REG4: variants seen among roughly 807,000 people sequenced by gnomAD.
REG4 encodes regenerating islet-derived protein 4.
A neutral mutation model predicts 22.3 loss-of-function variants in REG4; 16 were observed. That is an observed-to-expected ratio of 0.72 (90% confidence interval 0.49 to 1.09). The LOEUF is 1.09. Among genes scored for constraint, REG4 ranks in the 50% least tolerant of loss-of-function variants. The pLI is 0.00. For missense variants in REG4, 214 were observed against 193.9 expected, an observed-to-expected ratio of 1.10 and a Z score of -0.61; for synonymous variants, 71 against 69.2, an observed-to-expected ratio of 1.03 and a Z score of -0.13.
chr1:119,799,859 C>T lies in REG4; in HGVS notation c.169G>A (p.Glu57Lys), dbSNP rs149733140. 1.4e-5 allele frequency: 22 copies of T among 1,613,844 alleles called. No homozygotes were observed. The highest frequency in any genetic ancestry group is 6.7e-5 in the African/African-American group (5 of 74,896). The change falls in exon 4 of 6, where the codon GAG becomes AAG. Residue 57 changes from glutamate to lysine, a missense_variant. Glu to Lys is a moderately conservative substitution (Grantham distance 56). Transcript: ENST00000256585. ...KLRNWSDAEL[E>K]CQSYGNGAHL... is the part of the protein sequence containing the mutation. ...GCTCCGTTTCCGTAAGACTGACACTCGAGCTATGTACAAGGAGAGGTCCTG... is the reference window on the plus strand; with the variant it reads ...GCTCCGTTTCCGTAAGACTGACACTTGAGCTATGTACAAGGAGAGGTCCTG...
chr1:119,798,713 A>C (rs1474580827), intron 4 of REG4, 111 bp from the exon 5 acceptor site: 1 of 717,168 alleles, frequency 1.4e-6, no homozygotes, highest in Non-Finnish European at 2.4e-6. Flanking sequence ...ACATTGGGAA[A>C]GTACAGAAAT....
Position 119,808,849 on chromosome 1 carries a change from C to G in REG4, c.-80G>C. On this transcript the variant is annotated 5_prime_UTR_variant, in exon 2 of 6. Coordinates refer to ENST00000256585, the MANE Select transcript of REG4 (RefSeq NM_032044.4). Reference sequence around the variant, plus strand: ...CGCTTCTTTGAAACTCCTGGGTTCTCCTTGATCTGCAAATCTGAACACATT... The same window carrying G: ...CGCTTCTTTGAAACTCCTGGGTTCTGCTTGATCTGCAAATCTGAACACATT... The G allele has an allele frequency of 1.0e-6, 1 of 989,768 alleles. No homozygotes were observed. Among genetic ancestry groups the G allele is most frequent in the Non-Finnish European group, 1.6e-6 (1 of 637,892 alleles). The allele number at this position is 989,768 out of a possible 1,614,324, so 61.3% of individuals were successfully genotyped here.
At chr1:119,800,023 A>G (rs1470353081) in intron 3 of REG4, among the ~76,000 whole-genome samples, 161 bp from the exon 4 acceptor site, 1 of 152,192 alleles carries the variant, frequency 6.6e-6, no homozygotes, top group Non-Finnish European at 1.5e-5. Context: ...ACCCTGGGAA[A>G]AAACACAACT....
chr1:119,794,084 C>T lies in REG4; in HGVS notation c.*534G>A. The T allele has an allele frequency of 1.9e-6, 1 of 530,696 alleles. No individual in the cohort carries two copies. The highest frequency in any genetic ancestry group is 1.4e-5 in the South Asian group (1 of 71,116). The allele number at this position is 530,696 out of a possible 1,614,324, so 32.9% of individuals were successfully genotyped here. On this transcript the variant is annotated 3_prime_UTR_variant, in exon 6 of 6. Transcript: ENST00000256585. ...CATTACTGAACTGGAACACAGCAAC[C>T]TCTTATGTACACAATGGTTTATTAA...
At chr1:119,795,482 G>A (rs1653909710) in intron 5 of REG4, among the ~76,000 whole-genome samples, 1 of 152,246 alleles carries the variant, frequency 6.6e-6, no homozygotes, top group African/African-American at 2.4e-5. Context: ...GTGGCCTTTT[G>A]AAGGACTGAA....
intron 1 of REG4, among the ~76,000 whole-genome samples, chr1:119,810,826 G>C (rs587618174): frequency 2.0e-5 from 3 of 152,194 alleles, no homozygotes; most frequent in Non-Finnish European, 4.4e-5. Flanking sequence ...GCTGAGGCAG[G>C]TGGATCACCT....
intron 2 of REG4, among the ~76,000 whole-genome samples, chr1:119,804,143 C>A (rs373029527): frequency 7.2e-5 from 11 of 152,284 alleles, no homozygotes; most frequent in East Asian, 3.9e-4. Flanking sequence ...TATGTGGCTA[C>A]CTTCTGACAC....
intron 4 of REG4, 31 bp from the exon 5 acceptor site, chr1:119,798,633 G>A (rs71672737): frequency 0.082 from 129,769 of 1,579,912 alleles, 6,160 homozygotes; most frequent in Non-Finnish European, 0.094. Context: ...GAAGTGTACA[G>A]CTCAGCAACC....
chr1:119,799,406 GCGTACACACA>G (rs1369731600), intron 4 of REG4, among the ~76,000 whole-genome samples: 1 of 66,160 alleles, frequency 1.5e-5, no homozygotes, highest in East Asian at 3.5e-4. Flanking sequence ...AGGCCTGTGT[GCGTACACACA>G]CACACACACA....
chr1:119,802,296 C>G (rs984406942), intron 3 of REG4: 2 of 970,852 alleles, frequency 2.1e-6, no homozygotes, highest in African/African-American at 3.5e-5. Flanking sequence ...CTGCATTAAT[C>G]CTGGGCTTTC....
At chr1:119,794,841 C>T (rs2101064412) in intron 5 of REG4, among the ~76,000 whole-genome samples, 156 bp from the exon 6 acceptor site, 2 of 152,274 alleles carry the variant, frequency 1.3e-5, no homozygotes, top group Non-Finnish European at 2.9e-5. Context: ...TGTTTGATTG[C>T]TGCGAAGGTG....
At chr1:119,802,847 T>C in intron 3 of REG4, 1 of 1,542,594 alleles carries the variant, frequency 6.5e-7, no homozygotes, top group Non-Finnish European at 8.8e-7. Context: ...CGTATGTGCT[T>C]GTAGCCCATC....
In REG4 at chr1:119,794,636, C is replaced by T. The variant is rs759554284; in HGVS notation, c.459G>A (p.Leu153=). The change falls in exon 6 of 6, where the codon CTG becomes CTA. Residue 153 remains leucine, a synonymous_variant. Transcript: ENST00000256585. ...TCTTGCTCTATGGTCGGTACTTGCA[C>T]AGGAAGTGTTGGCGCTTGTTGCATT... ...SNECNKRQHF[L]CKYRP 8.1e-6 allele frequency: 13 copies of T among 1,614,016 alleles called. No homozygotes were observed. Among genetic ancestry groups the T allele is most frequent in the Non-Finnish European group, 9.3e-6 (11 of 1,180,002 alleles).
At position 119,801,419 on chromosome 1, in the gene REG4, A is replaced by G. The variant is rs587686875; in HGVS notation, c.166-1557T>C. The G allele has an allele frequency of 2.6e-5, 4 of 152,370 alleles. No homozygotes were observed. In the South Asian group the frequency reaches 8.3e-4, roughly 32 times the overall value. 9.4% of individuals were successfully genotyped at this position (152,370 alleles called of 1,614,324 possible). A position where few individuals can be genotyped will look rare whatever the true frequency, so the allele number is the denominator to read the frequency against. On this transcript the variant is annotated intron_variant, in intron 3 of 5. Transcript: ENST00000256585. ...GTAATTCTATTCAATTCTCAGGCCC[A>G]TGAGGCATGCCAGCCAGACGACCAG...
chr1:119,798,749 C>A, intron 4 of REG4, 147 bp from the exon 5 acceptor site: 2 of 552,174 alleles, frequency 3.6e-6, no homozygotes, highest in Admixed American at 3.0e-5. Flanking sequence ...AAGAGAAAGT[C>A]ATTCCACTCA....
rs918281820 is a variant in REG4 at position 119,799,626 on chromosome 1, C to A, written c.303+99G>T. On this transcript the variant is annotated intron_variant, in intron 4 of 5. Transcript: ENST00000256585. Reference sequence around the variant, plus strand: ...TGGAGGCACATCTGGAGAAGATCCACCCGCTGTGTCCTTGTTATAGGCCGG... The same window carrying A: ...TGGAGGCACATCTGGAGAAGATCCAACCGCTGTGTCCTTGTTATAGGCCGG... The A allele has an allele frequency of 6.8e-6, 10 of 1,466,392 alleles. No homozygotes were observed. In the Admixed American group the frequency reaches 2.0e-4, roughly 29 times the overall value. The allele number at this position is 1,466,392 out of a possible 1,614,324, so 90.8% of individuals were successfully genotyped here.
At chr1:119,804,944 T>C (rs891515737) in intron 2 of REG4, among the ~76,000 whole-genome samples, 6 of 152,154 alleles carry the variant, frequency 3.9e-5, no homozygotes, top group African/African-American at 1.2e-4. Flanking sequence ...GTTTTATCCA[T>C]ATGGCATTTT....
chr1:119,810,225 ATATT>A (rs1264611328), intron 1 of REG4, among the ~76,000 whole-genome samples: 1 of 152,164 alleles, frequency 6.6e-6, no homozygotes, highest in Non-Finnish European at 1.5e-5. Flanking sequence ...TAAGGTTAAA[ATATT>A]TATCACTGTT....
At chr1:119,804,667 T>C (rs1167703301) in intron 2 of REG4, among the ~76,000 whole-genome samples, 1 of 152,242 alleles carries the variant, frequency 6.6e-6, no homozygotes, top group Non-Finnish European at 1.5e-5. Flanking sequence ...CCATTGCCGT[T>C]ACTACTAGTA....
Sources: allele counts gnomAD v4.1 joint callset (sites outside exome capture counted in the v4.1 genomes callset), GRCh38; gene constraint gnomAD v4.1.1; transcripts MANE v1.5; gene names NCBI Gene and HGNC (gene_info 2026-07-23, HGNC 2026-07-21).